The following CAMK2B variants were observed in gnomAD, a reference collection of about 807,000 sequenced individuals.
The protein encoded by CAMK2B is calcium/calmodulin dependent protein kinase II beta, also known as calcium/calmodulin-dependent protein kinase type II subunit beta.
In CAMK2B, 27 loss-of-function variants were observed where a neutral mutation model predicts 93.7. The ratio of observed to expected loss-of-function variants is 0.29; its 90% CI spans 0.21 to 0.40. The LOEUF (loss-of-function observed/expected upper bound fraction) is 0.40. Among genes scored for constraint, CAMK2B ranks in the 10% least tolerant of loss-of-function variants. CAMK2B has a pLI of 1.00. For missense variants in CAMK2B, 568 were observed against 895.8 expected, an observed-to-expected ratio of 0.63 and a Z score of 4.67; for synonymous variants, 374 against 358.8, an observed-to-expected ratio of 1.04 and a Z score of -0.48.
chr7:44,251,144 T>G (rs1446343562), intron 5 of CAMK2B, among the ~76,000 whole-genome samples: 1 of 152,128 alleles, frequency 6.6e-6, no homozygotes, highest in Non-Finnish European at 1.5e-5. Context: ...TCTGTGTGGT[T>G]CGGAAAGCAC....
At chr7:44,244,603 G>A (rs994584219) in intron 6 of CAMK2B, among the ~76,000 whole-genome samples, 3 of 152,010 alleles carry the variant, frequency 2.0e-5, no homozygotes, top group Non-Finnish European at 2.9e-5. Flanking sequence ...TCACACTGCC[G>A]CTTGATGAGC....
intron 2 of CAMK2B, among the ~76,000 whole-genome samples, chr7:44,266,146 C>T (rs1054961890): frequency 6.6e-6 from 1 of 152,056 alleles, no homozygotes; most frequent in Non-Finnish European, 1.5e-5. Context: ...GTAGCATTTG[C>T]TCTTAAATTT....
chr7:44,275,235 C>T (rs916078845), intron 2 of CAMK2B, among the ~76,000 whole-genome samples: 4 of 152,194 alleles, frequency 2.6e-5, no homozygotes, highest in African/African-American at 9.6e-5. Context: ...ATTTGTCTTC[C>T]CCAGGGGTCA....
At chr7:44,243,913 T>C (rs1019566207) in intron 6 of CAMK2B, among the ~76,000 whole-genome samples, 9 of 152,168 alleles carry the variant, frequency 5.9e-5, no homozygotes, top group African/African-American at 2.2e-4. Flanking sequence ...GACTGTGCAG[T>C]GGCTGGGGGC....
At chr7:44,263,106 A>G in intron 2 of CAMK2B, 42 bp from the exon 3 acceptor site, 12 of 1,594,508 alleles carry the variant, frequency 7.5e-6, no homozygotes, top group Non-Finnish European at 1.0e-5. Flanking sequence ...CTGCGCCAGC[A>G]ACTGGTGGCC....
intron 4 of CAMK2B, among the ~76,000 whole-genome samples, chr7:44,256,066 G>A (rs1252441759): frequency 2.0e-5 from 3 of 152,100 alleles, no homozygotes; most frequent in Non-Finnish European, 4.4e-5. Flanking sequence ...CTGTGTCCCC[G>A]ACCAGCACCT....
chr7:44,223,765 C>G (rs562045361), intron 20 of CAMK2B, among the ~76,000 whole-genome samples: 13 of 152,026 alleles, frequency 8.6e-5, no homozygotes, highest in African/African-American at 2.9e-4. Context: ...CCCAAGCCAG[C>G]CCCCACTAGG....
intron 2 of CAMK2B, among the ~76,000 whole-genome samples, chr7:44,272,423 G>A (rs895471098): frequency 6.6e-6 from 1 of 152,188 alleles, no homozygotes; most frequent in Non-Finnish European, 1.5e-5. Context: ...GGGAGGCTGA[G>A]CCCTGTGATG....
chr7:44,220,837 A>G lies in CAMK2B; in HGVS notation c.1662T>C (p.Phe554=), dbSNP rs1318637740. 1 of 1,570,108 alleles carries G rather than the reference A, an allele frequency of 6.4e-7. No individual in the cohort carries two copies. The highest frequency in any genetic ancestry group is 2.3e-5 in the East Asian group (1 of 42,590). Reference sequence around the variant, plus strand: ...CCCCAGGGACTCACGCGTAGGCCTCAAAGTCACCGTTGTTGACGGCCTCGA... The same window carrying G: ...CCCCAGGGACTCACGCGTAGGCCTCGAAGTCACCGTTGTTGACGGCCTCGA... The part of the protein sequence containing the change: ...QLIEAVNNGD[F]EAYAKICDPG... The change falls in exon 21 of 24, where the codon TTT becomes TTC. Residue 554 remains phenylalanine (F), a synonymous_variant. Coordinates refer to ENST00000395749, the MANE Select transcript of CAMK2B (RefSeq NM_001220.5).
chr7:44,219,551 C>T (rs1484613874), intron 23 of CAMK2B, 29 bp from the exon 24 acceptor site: 1 of 155,444 alleles, frequency 6.4e-6, no homozygotes, highest in Non-Finnish European at 1.4e-5. Flanking sequence ...GTCAGCTCCT[C>T]AGCAGCCCCC....
chr7:44,247,128 C>G lies in CAMK2B; in HGVS notation c.406G>C (p.Asp136His). ...HCHQMGVVHR[D>H]LKPENLLLAS... ...GTGGGGTGGGGACTCACCTTGAGGT[C>G]TCTGTGGACGACCCCCATTTGGTGA... Residue 136 changes from aspartate (D) to histidine (H), a missense_variant, in exon 6 of 24, where the codon GAC becomes CAC. This residue lies in a region of CAMK2B where 105 missense variants were observed against 372.4 expected (regional missense o/e 0.28). Coordinates refer to ENST00000395749, the MANE Select transcript of CAMK2B (RefSeq NM_001220.5). 1 of 1,613,846 alleles carries G rather than the reference C, an allele frequency of 6.2e-7. No homozygotes were observed. Among genetic ancestry groups the G allele is most frequent in the Non-Finnish European group, 8.5e-7 (1 of 1,179,754 alleles).
chr7:44,280,318 G>A (rs1041264751), intron 2 of CAMK2B, among the ~76,000 whole-genome samples: 4 of 152,194 alleles, frequency 2.6e-5, no homozygotes, highest in Non-Finnish European at 2.9e-5. Flanking sequence ...AAGGCCCCAC[G>A]GGTCTCAATC....
At chr7:44,276,302 C>G (rs2097039005) in intron 2 of CAMK2B, among the ~76,000 whole-genome samples, 1 of 152,136 alleles carries the variant, frequency 6.6e-6, no homozygotes, top group Non-Finnish European at 1.5e-5. Flanking sequence ...AACCCAGTTC[C>G]GCGGATTCTG....
chr7:44,285,918 C>T (rs1173215337), intron 1 of CAMK2B, among the ~76,000 whole-genome samples: 3 of 151,214 alleles, frequency 2.0e-5, no homozygotes, highest in Non-Finnish European at 4.4e-5. Context: ...CTGTTCACTC[C>T]GCATTCTCTT....
intron 6 of CAMK2B, among the ~76,000 whole-genome samples, chr7:44,246,627 ACGC>A (rs1249294157): frequency 6.6e-6 from 1 of 151,904 alleles, no homozygotes; most frequent in Non-Finnish European, 1.5e-5. Context: ...GCACACAGAC[ACGC>A]CACCACTCAT....
At chr7:44,236,701 C>T (rs1442170422) in intron 13 of CAMK2B, among the ~76,000 whole-genome samples, 4 of 152,194 alleles carry the variant, frequency 2.6e-5, no homozygotes, top group Non-Finnish European at 5.9e-5. Flanking sequence ...GTTCCAGGAC[C>T]CCCACAGTCC....
intron 2 of CAMK2B, among the ~76,000 whole-genome samples, chr7:44,264,716 C>T (rs1192830104): frequency 3.9e-5 from 6 of 152,240 alleles, no homozygotes; most frequent in African/African-American, 1.4e-4. Flanking sequence ...GCTCCCCCTC[C>T]CTCCCCTCTC....
At chr7:44,270,993 A>G (rs933734201) in intron 2 of CAMK2B, among the ~76,000 whole-genome samples, 8 of 151,896 alleles carry the variant, frequency 5.3e-5, no homozygotes, top group Admixed American at 3.3e-4. Flanking sequence ...ATCTTGGTTC[A>G]CTGCAAACTC....
chr7:44,221,056 T>G (rs537116431), intron 20 of CAMK2B, 155 bp from the exon 21 acceptor site: 3 of 609,286 alleles, frequency 4.9e-6, no homozygotes, highest in Admixed American at 5.8e-5. Flanking sequence ...CCGCCCCCCC[T>G]GCATCACCAG....
Sources: allele counts gnomAD v4.1 joint callset (sites outside exome capture counted in the v4.1 genomes callset), GRCh38; gene constraint gnomAD v4.1.1; regional missense constraint gnomAD v4.1.1; transcripts MANE v1.5; gene names NCBI Gene and HGNC (gene_info 2026-07-23, HGNC 2026-07-21).